Variants in COMMD7 observed in about 807,000 individuals in gnomAD.
COMMD7 encodes COMM domain containing 7, also known as COMM domain-containing protein 7.
COMMD7 carries 28 observed loss-of-function variants against 34.8 expected under a neutral mutation model. The observed-to-expected ratio is 0.80, with a 90% confidence interval of 0.60 to 1.10. The LOEUF (loss-of-function observed/expected upper bound fraction) is 1.10, where lower values mean the gene tolerates loss of function less well. COMMD7 is among the 50% of genes least tolerant of loss of function. The probability of loss-of-function intolerance (pLI) is 0.00; values close to 1 mark genes in which losing one functional copy is unlikely to be tolerated. For missense variants in COMMD7, 211 were observed against 241.6 expected, an observed-to-expected ratio of 0.87 and a Z score of 0.84; for synonymous variants, 80 against 86.4, an observed-to-expected ratio of 0.93 and a Z score of 0.41.
intron 1 of COMMD7, among the ~76,000 whole-genome samples, chr20:32,738,309 C>A (rs540834440): frequency 6.6e-6 from 1 of 152,218 alleles, no homozygotes; most frequent in East Asian, 1.9e-4. Context: ...AAACTTTTGG[C>A]CAGGTACGGT....
At chr20:32,740,903 G>A (rs1207971907) in intron 1 of COMMD7, among the ~76,000 whole-genome samples, 1 of 151,928 alleles carries the variant, frequency 6.6e-6, no homozygotes, top group Non-Finnish European at 1.5e-5. Flanking sequence ...AGCACTTTGG[G>A]AGGTTGAGGC....
At chr20:32,722,638 C>T (rs1985239942) in intron 3 of COMMD7, among the ~76,000 whole-genome samples, 2 of 150,396 alleles carry the variant, frequency 1.3e-5, no homozygotes, top group African/African-American at 2.4e-5. Flanking sequence ...TCAGAAGAAT[C>T]ACTTGAACCC....
At chr20:32,728,054 C>T (rs143542704) in intron 2 of COMMD7, 35 bp downstream of exon 2, 665 of 1,609,986 alleles carry the variant, frequency 4.1e-4, no homozygotes, top group Middle Eastern at 1.5e-3. Context: ...TCAGGGAGCA[C>T]GGACCCACTC....
At chr20:32,707,408 C>T (rs983287281) in intron 3 of COMMD7, among the ~76,000 whole-genome samples, 1 of 151,392 alleles carries the variant, frequency 6.6e-6, no homozygotes, top group Non-Finnish European at 1.5e-5. Context: ...CAACCTACAC[C>T]TCCTGGGTTC....
chr20:32,712,750 C>CTTT (rs568295381), intron 3 of COMMD7, among the ~76,000 whole-genome samples: 1 of 102,460 alleles, frequency 9.8e-6, no homozygotes, highest in African/African-American at 3.7e-5. Context: ...GACACGGAGA[C>CTTT]TTTTTTTTTT....
At chr20:32,703,499 T>C in intron 8 of COMMD7, 41 bp from the exon 9 acceptor site, 1 of 1,586,912 alleles carries the variant, frequency 6.3e-7, no homozygotes, top group Non-Finnish European at 8.5e-7. Flanking sequence ...TGTTTCCAAC[T>C]CCACAGAATC....
At chr20:32,719,928 C>T (rs142745523) in intron 3 of COMMD7, among the ~76,000 whole-genome samples, 111 of 151,924 alleles carry the variant, frequency 7.3e-4, no homozygotes, top group African/African-American at 2.5e-3. Flanking sequence ...GACCCTGGCT[C>T]AACAAAAGCC....
intron 1 of COMMD7, among the ~76,000 whole-genome samples, chr20:32,737,947 TA>T (rs34007684): frequency 0.68 from 98,147 of 144,682 alleles, 33,460 homozygotes; most frequent in Middle Eastern, 0.81. Context: ...TCCAGTATCT[TA>T]AAAAAAAAAA....
chr20:32,743,433 C>T lies in COMMD7; in HGVS notation c.-42G>A, dbSNP rs1023549681. On this transcript the variant is annotated 5_prime_UTR_variant, in exon 1 of 9. Transcript: ENST00000278980. ...CCGCAGGTTCCACCGCCGCCGCCGCCCTGCTCAGCTTCCTCCTCCGCTGCC... is the reference window on the plus strand; with the variant it reads ...CCGCAGGTTCCACCGCCGCCGCCGCTCTGCTCAGCTTCCTCCTCCGCTGCC... The T allele has an allele frequency of 1.0e-5, 13 of 1,278,934 alleles. No homozygotes were observed. Among genetic ancestry groups the T allele is most frequent in the Non-Finnish European group, 1.3e-5 (13 of 1,006,524 alleles). The allele number at this position is 1,278,934 out of a possible 1,614,324, so 79.2% of individuals were successfully genotyped here. A position where few individuals can be genotyped will look rare whatever the true frequency, so the allele number is the denominator to read the frequency against.
At chr20:32,728,033 T>C (rs1431962778) in intron 2 of COMMD7, 38 bp from the exon 3 acceptor site, 1 of 1,612,146 alleles carries the variant, frequency 6.2e-7, no homozygotes, top group South Asian at 1.1e-5. Context: ...GGCCTTCACT[T>C]TCTAAGCATC....
intron 1 of COMMD7, among the ~76,000 whole-genome samples, chr20:32,739,644 C>CAAAAAAA (rs1176056154): frequency 0.08 from 4,484 of 55,746 alleles, 550 homozygotes; most frequent in Non-Finnish European, 0.089. Flanking sequence ...GGCTCTGTAT[C>CAAAAAAA]AAAAAAAAAA....
At chr20:32,711,275 T>G (rs1225934475) in intron 3 of COMMD7, among the ~76,000 whole-genome samples, 2 of 151,716 alleles carry the variant, frequency 1.3e-5, no homozygotes, top group African/African-American at 4.8e-5. Context: ...CACACGCCTG[T>G]AGTCCCAGCT....
chr20:32,704,382 T>TATG (rs57986478), intron 7 of COMMD7, 58 bp downstream of exon 7: 1,044,783 of 1,431,892 alleles, frequency 0.73, 388,616 homozygotes, highest in Middle Eastern at 0.8. Flanking sequence ...CCAATGTAGA[T>TATG]ATAATTTTTA....
chr20:32,715,835 A>T (rs528445818), intron 3 of COMMD7, among the ~76,000 whole-genome samples: 2 of 152,252 alleles, frequency 1.3e-5, no homozygotes, highest in Non-Finnish European at 2.9e-5. Flanking sequence ...AAAAATAAAT[A>T]AATTAATAAA....
intron 3 of COMMD7, among the ~76,000 whole-genome samples, chr20:32,715,392 A>G (rs984364648): frequency 1.3e-5 from 2 of 148,616 alleles, no homozygotes; most frequent in Non-Finnish European, 3.0e-5. Flanking sequence ...CTGAGGTGGG[A>G]GGCTCACTGA....
intron 3 of COMMD7, among the ~76,000 whole-genome samples, chr20:32,713,773 G>A (rs570056391): frequency 6.6e-6 from 1 of 152,296 alleles, no homozygotes; most frequent in East Asian, 1.9e-4. Flanking sequence ...CATTCTACTG[G>A]CAGGAGAAAG....
At position 32,728,129 on chromosome 20, in the gene COMMD7, A is replaced by G; in HGVS notation, c.98T>C (p.Leu33Pro). 1 of 1,614,138 alleles carries G rather than the reference A, an allele frequency of 6.2e-7. No homozygotes were observed. The highest frequency in any genetic ancestry group is 1.1e-5 in the South Asian group (1 of 91,080). Reference sequence around the variant, plus strand: ...TAGGAAGTGGAAAAGCACCTCTGTCAGGGCTGAGAACTGCTGTGAAGAAAA... The same window carrying G: ...TAGGAAGTGGAAAAGCACCTCTGTCGGGGCTGAGAACTGCTGTGAAGAAAA... The part of the protein sequence containing the change: ...NQLGAQQFSA[L>P]TEVLFHFLTE... The change falls in exon 2 of 9, where the codon CTG becomes CCG. Residue 33 changes from leucine (L) to proline (P), a missense_variant. Coordinates refer to ENST00000278980, the MANE Select transcript of COMMD7 (RefSeq NM_053041.3).
intron 1 of COMMD7, among the ~76,000 whole-genome samples, chr20:32,734,150 C>T (rs1223547626): frequency 6.8e-6 from 1 of 147,674 alleles, no homozygotes; most frequent in African/African-American, 2.5e-5. Flanking sequence ...CACTGCACTC[C>T]AGCCTGGGCA....
chr20:32,704,046 T>C lies in COMMD7; in HGVS notation c.503A>G (p.Asn168Ser). The change falls in exon 8 of 9, where the codon AAT (asparagine) becomes AGT (serine). Residue 168 changes from asparagine to serine, a missense_variant. By Grantham distance (46) the Asn-to-Ser change is conservative. Transcript: ENST00000278980. ...LQLKLVVKKG[N>S]QTENVYIELT... ...ACCTATATACACATTTTCGGTTTGA[T>C]TTCCTTTCTTAACCACCAACTTTAG... The C allele has an allele frequency of 1.9e-6, 3 of 1,610,510 alleles. No individual in the cohort carries two copies. The highest frequency in any genetic ancestry group is 2.5e-6 in the Non-Finnish European group (3 of 1,178,214).
Sources: gnomAD v4.1 joint callset for allele counts (sites outside exome capture counted in the v4.1 genomes callset) on GRCh38, gnomAD v4.1.1 for gene constraint, MANE v1.5 for transcripts, NCBI Gene and HGNC (gene_info 2026-07-23, HGNC 2026-07-21) for gene names.